Variants in INTS2 observed in about 807,000 individuals in gnomAD.
The protein encoded by INTS2 is KIAA1287.
Under a neutral mutation model 139.6 loss-of-function variants are expected in INTS2, and 57 were observed. The ratio of observed to expected loss-of-function variants is 0.41; its 90% CI spans 0.33 to 0.51. INTS2 has a LOEUF of 0.51. Ranked by LOEUF, INTS2 falls within the 20% of genes least tolerant of loss-of-function variation. The pLI is 0.28. For missense variants in INTS2, 1,196 were observed against 1,436.7 expected (o/e 0.83, Z 2.71); for synonymous variants, 473 against 493.4 (o/e 0.96, Z 0.55).
rs1208016080 is a variant in INTS2 at position 61,865,907 on chromosome 17, G to C, written c.*1650C>G. Reference sequence around the variant, plus strand: ...TGTGATACTATGCACTTCATGATTTGAAACAGCTACAAACTCATTCTCATA... The same window carrying C: ...TGTGATACTATGCACTTCATGATTTCAAACAGCTACAAACTCATTCTCATA... On this transcript the variant is annotated 3_prime_UTR_variant, in exon 25 of 25. Coordinates refer to ENST00000251334, the MANE Select transcript of INTS2 (RefSeq NM_001351695.2). This position sits in a 1 kb window ranked among gnomAD's most constrained non-coding sequence, Gnocchi z 4.8. 2.6e-5 allele frequency: 4 copies of C among 152,420 alleles called. No individual in the cohort carries two copies. Among genetic ancestry groups the C allele is most frequent in the African/African-American group, 9.7e-5 (4 of 41,408 alleles). The allele number at this position is 152,420 out of a possible 1,614,324, so 9.4% of individuals were successfully genotyped here. A position where few individuals can be genotyped will look rare whatever the true frequency, so the allele number is the denominator to read the frequency against.
chr17:61,881,859 C>A (rs1046817172), intron 16 of INTS2, among the ~76,000 whole-genome samples: 1 of 152,190 alleles, frequency 6.6e-6, no homozygotes, highest in Non-Finnish European at 1.5e-5. Context: ...AGAAAGCTTT[C>A]AACTTTCTTC....
At position 61,893,086 on chromosome 17, in the gene INTS2, G is replaced by A. The variant is rs572213612; in HGVS notation, c.1698+679C>T. ...TACAGTGAGCTATGACAGCCTGGGC[G>A]ACAGAGTGAGACCCTGTCTTTAAAA... is the stretch of plus-strand genomic sequence containing the variant. On this transcript the variant is annotated intron_variant, in intron 13 of 24. Transcript: ENST00000251334. The surrounding 1 kb of genome is among the most constrained non-coding windows in gnomAD (Gnocchi z 5.4). Among the ~76,000 whole-genome samples, 11 of 151,272 alleles carry A rather than the reference G, an allele frequency of 7.3e-5. No homozygotes were observed. The highest frequency in any genetic ancestry group is 6.3e-4 in the South Asian group (3 of 4,770).
chr17:61,872,314 G>A lies in INTS2; in HGVS notation c.2729C>T (p.Ala910Val), dbSNP rs1257241424. ...CAATTCTTCCCTGGTAACTTCCGGA[G>A]CATCAGTTTGTCCAACTAAACCAAT... is the stretch of plus-strand genomic sequence containing the variant. Reference protein sequence around the residue: ...NTIGLVGQTDAPEVTREELKN... With the variant: ...NTIGLVGQTDVPEVTREELKN... The change falls in exon 20 of 25, where the codon GCT becomes GTT. Residue 910 changes from alanine (A) to valine (V), a missense_variant. Ala to Val is a moderately conservative substitution (Grantham distance 64). Coordinates refer to ENST00000251334, the MANE Select transcript of INTS2 (RefSeq NM_001351695.2). The surrounding 1 kb of genome is among the most constrained non-coding windows in gnomAD (Gnocchi z 4.8). 8 of 1,613,046 alleles carry A rather than the reference G, an allele frequency of 5.0e-6. No homozygotes were observed. The South Asian group carries it at 6.6e-5, about 13-fold the overall frequency.
rs1046907989 is a variant in INTS2 at position 61,867,312 on chromosome 17, GA to G, written c.*244del. The G allele has an allele frequency of 0.025, 5,746 of 234,408 alleles. No individual in the cohort carries two copies. Among genetic ancestry groups the G allele is most frequent in the East Asian group, 0.038 (486 of 12,680 alleles). The allele number at this position is 234,408 out of a possible 1,614,324, so 14.5% of individuals were successfully genotyped here. On this transcript the variant is annotated 3_prime_UTR_variant, in exon 25 of 25. Coordinates refer to ENST00000251334, the MANE Select transcript of INTS2 (RefSeq NM_001351695.2). This position sits in a 1 kb window ranked among gnomAD's most constrained non-coding sequence, Gnocchi z 5.6. ...GAGTTTCTTACATGTGTTCCCAGTG[GA>G]AAAAAAAAAAGCTCAGCTGCTACAA...
intron 3 of INTS2, among the ~76,000 whole-genome samples, chr17:61,923,713 C>T (rs1368362686): frequency 6.6e-6 from 1 of 151,822 alleles, no homozygotes; most frequent in Non-Finnish European, 1.5e-5. Flanking sequence ...CAGTTTTACT[C>T]TTGTTGCCTA....
intron 5 of INTS2, among the ~76,000 whole-genome samples, chr17:61,915,577 G>A (rs1414008493): frequency 2.7e-5 from 4 of 149,448 alleles, no homozygotes; most frequent in African/African-American, 9.8e-5. Context: ...CCAGCACTTT[G>A]GGAGGCCGAG....
intron 18 of INTS2, 78 bp downstream of exon 18, chr17:61,877,809 A>T (rs2079138632): frequency 1.5e-5 from 19 of 1,225,906 alleles, no homozygotes; most frequent in Non-Finnish European, 1.6e-5. Context: ...AAAATTTTTT[A>T]AACAATTAAA....
intron 7 of INTS2, chr17:61,910,603 A>AAG (rs1186227713): frequency 6.6e-6 from 1 of 152,048 alleles, no homozygotes; most frequent in East Asian, 1.9e-4. Context: ...AAAAAAAAAA[A>AAG]AAAAAATAGT....
chr17:61,882,020 A>G lies in INTS2; in HGVS notation c.2090-849T>C, dbSNP rs772205297. ...AAAGGTCCTATTCAGAAATACTGAT[A>G]GGCTTCTGTAGAGAACATGCCCTTT... On this transcript the variant is annotated intron_variant, in intron 16 of 24. Coordinates refer to ENST00000251334, the MANE Select transcript of INTS2 (RefSeq NM_001351695.2). This position sits in a 1 kb window ranked among gnomAD's most constrained non-coding sequence, Gnocchi z 4.7. Among the ~76,000 whole-genome samples the G allele has an allele frequency of 1.3e-5, 2 of 152,336 alleles. No homozygotes were observed. Among genetic ancestry groups the G allele is most frequent in the Admixed American group, 6.5e-5 (1 of 15,300 alleles).
At chr17:61,918,240 T>C (rs903878061) in intron 5 of INTS2, among the ~76,000 whole-genome samples, 1 of 152,164 alleles carries the variant, frequency 6.6e-6, no homozygotes, top group African/African-American at 2.4e-5. Context: ...ATGAGAAGTA[T>C]TTTGGTTTGT....
chr17:61,896,093 A>G (rs1055888077), intron 11 of INTS2, among the ~76,000 whole-genome samples: 2 of 151,950 alleles, frequency 1.3e-5, no homozygotes, highest in Admixed American at 1.3e-4. Flanking sequence ...TACAAAAATT[A>G]GCCGGGCGTG....
intron 19 of INTS2, among the ~76,000 whole-genome samples, chr17:61,874,643 T>A (rs769177484): frequency 5.3e-5 from 8 of 152,150 alleles, no homozygotes; most frequent in Non-Finnish European, 8.8e-5. Flanking sequence ...GTCTAAATTG[T>A]GAGAGAGAAA....
Position 61,921,721 on chromosome 17 carries a change from G to A in INTS2, c.535+4C>T, listed in dbSNP as rs1298093461. 6 of 1,506,732 alleles carry A rather than the reference G, an allele frequency of 4.0e-6. No homozygotes were observed. The highest frequency in any genetic ancestry group is 5.5e-6 in the Non-Finnish European group (6 of 1,092,728). 93.3% of individuals were successfully genotyped at this position (1,506,732 alleles called of 1,614,324 possible). A position where few individuals can be genotyped will look rare whatever the true frequency, so the allele number is the denominator to read the frequency against. ...GAAATCCATCTTAGCACTCAGTACA[G>A]TACCTGCTTGTAAAATACAAAGTAC... is the stretch of plus-strand genomic sequence containing the variant. On this transcript the variant is annotated splice_donor_region_variant and intron_variant, in intron 4 of 24. Coordinates refer to ENST00000251334, the MANE Select transcript of INTS2 (RefSeq NM_001351695.2).
At chr17:61,927,170 C>T (rs965506042) in intron 1 of INTS2, 2 of 170,964 alleles carry the variant, frequency 1.2e-5, no homozygotes, top group Non-Finnish European at 2.6e-5. Context: ...TCTTTCTCAC[C>T]CTCCATGAGT....
intron 3 of INTS2, among the ~76,000 whole-genome samples, chr17:61,924,550 G>A (rs1015764338): frequency 2.0e-5 from 3 of 152,214 alleles, no homozygotes; most frequent in African/African-American, 7.2e-5. Flanking sequence ...CGGGCACGGT[G>A]ACCCATGCCT....
intron 17 of INTS2, among the ~76,000 whole-genome samples, chr17:61,880,066 T>A (rs2079164137): frequency 6.6e-6 from 1 of 152,126 alleles, no homozygotes; most frequent in Non-Finnish European, 1.5e-5. Context: ...TTTTTTGACA[T>A]GGAGTCTCGC....
intron 15 of INTS2, among the ~76,000 whole-genome samples, chr17:61,885,800 C>A (rs1239592934): frequency 3.5e-5 from 5 of 143,630 alleles, no homozygotes; most frequent in Admixed American, 2.2e-4. Flanking sequence ...GCGATCTTGG[C>A]TCACTGCAAA....
At position 61,907,471 on chromosome 17, in the gene INTS2, T is replaced by C. The variant is rs1268102086; in HGVS notation, c.1118A>G (p.His373Arg). 3 of 1,603,302 alleles carry C rather than the reference T, an allele frequency of 1.9e-6. No homozygotes were observed. The change falls in exon 8 of 25, where the codon CAT becomes CGT. Residue 373 changes from histidine (H) to arginine (R), a missense_variant. By Grantham distance (29) the His-to-Arg change is conservative (BLOSUM62 0). Around this residue, in one of 3 missense-constraint regions of INTS2, gnomAD observed 1,129 missense variants for 1,341.9 expected, o/e 0.84. Transcript: ENST00000251334. The part of the protein sequence containing the change: ...VSVYSGLKEE[H>R]VVKASALLRL... ...TAAGAGTGCACTGGCTTTCACAACATGCTCTTCTTTCAGCCCCGAATACAC... is the reference window on the plus strand; with the variant it reads ...TAAGAGTGCACTGGCTTTCACAACACGCTCTTCTTTCAGCCCCGAATACAC...
Position 61,872,303 on chromosome 17 carries a change from T to G in INTS2, c.2740A>C (p.Thr914Pro). ...AATGCATTTTTCAATTCTTCCCTGG[T>G]AACTTCCGGAGCATCAGTTTGTCCA... is the stretch of plus-strand genomic sequence containing the variant. ...LVGQTDAPEVTREELKNALLA... is the reference protein window; with the variant it reads ...LVGQTDAPEVPREELKNALLA... Residue 914 changes from threonine to proline, a missense_variant, in exon 20 of 25, where the codon ACC becomes CCC. Transcript: ENST00000251334. The surrounding 1 kb of genome is among the most constrained non-coding windows in gnomAD (Gnocchi z 4.8). 6.2e-7 allele frequency: 1 copy of G among 1,612,544 alleles called. No homozygotes were observed. Among genetic ancestry groups the G allele is most frequent in the Non-Finnish European group, 8.5e-7 (1 of 1,179,144 alleles).
Sources: gnomAD v4.1 joint callset for allele counts (sites outside exome capture counted in the v4.1 genomes callset) on GRCh38, gnomAD v4.1.1 for gene constraint, gnomAD v4.1.1 regional missense constraint, Gnocchi (gnomAD v3.1) non-coding constraint, MANE v1.5 for transcripts, NCBI Gene and HGNC (gene_info 2026-07-23, HGNC 2026-07-21) for gene names.